RGS6: variants seen among roughly 807,000 people sequenced by gnomAD.
The protein encoded by RGS6 is regulator of G-protein signaling 6.
A neutral mutation model predicts 78.5 loss-of-function variants in RGS6; 30 were observed. That is an observed-to-expected ratio of 0.38 (90% CI 0.29 to 0.52). The LOEUF is 0.52. Ranked by LOEUF, RGS6 falls within the 20% of genes least tolerant of loss-of-function variation. The pLI is 0.85. For missense variants in RGS6, 495 were observed against 609.7 expected, an observed-to-expected ratio of 0.81 and a Z score of 1.98; for synonymous variants, 206 against 206.0, an observed-to-expected ratio of 1.00 and a Z score of 0.00.
At chr14:71,919,861 G>A in the RGS6 span, among the ~76,000 whole-genome samples, 1 of 152,130 alleles carries the variant, frequency 6.6e-6, no homozygotes, top group Non-Finnish European at 1.5e-5. Flanking sequence ...AGGAATGGTT[G>A]CATGTGCCTG....
intron 3 of RGS6, among the ~76,000 whole-genome samples, chr14:72,405,268 G>A (rs1050510874): frequency 6.6e-6 from 1 of 152,164 alleles, no homozygotes; most frequent in Non-Finnish European, 1.5e-5. Context: ...AGCCTGGAGG[G>A]TAGCATGGAA....
At chr14:71,946,426 A>C (rs1397993339) in intron 1 of RGS6, among the ~76,000 whole-genome samples, 1 of 151,778 alleles carries the variant, frequency 6.6e-6, no homozygotes, top group Non-Finnish European at 1.5e-5. Flanking sequence ...GCTCCTCCCC[A>C]CTCCTTGTCC....
At chr14:71,955,116 A>G (rs1466550311) in intron 1 of RGS6, among the ~76,000 whole-genome samples, 1 of 152,138 alleles carries the variant, frequency 6.6e-6, no homozygotes, top group Non-Finnish European at 1.5e-5. Context: ...AGAGGCTTCA[A>G]ATCCCCCCAA....
chr14:72,453,446 T>C (rs1283564764), intron 3 of RGS6, among the ~76,000 whole-genome samples: 1 of 148,822 alleles, frequency 6.7e-6, no homozygotes, highest in African/African-American at 2.5e-5. Context: ...AAACCCCGTC[T>C]CTACTAAAAA....
chr14:72,331,715 A>G (rs1489134305), intron 2 of RGS6, among the ~76,000 whole-genome samples: 1 of 151,198 alleles, frequency 6.6e-6, no homozygotes, highest in East Asian at 1.9e-4. Flanking sequence ...CTCTGGTGAT[A>G]CCTCCCACTG....
intron 2 of RGS6, among the ~76,000 whole-genome samples, chr14:72,314,291 C>G (rs933644844): frequency 1.1e-4 from 16 of 152,172 alleles, no homozygotes; most frequent in African/African-American, 3.9e-4. Flanking sequence ...CTGCTGCTCT[C>G]TTGGCTTTTC....
intron 4 of RGS6, among the ~76,000 whole-genome samples, chr14:72,457,084 T>TAA (rs747066432): frequency 0.01 from 831 of 82,110 alleles, 19 homozygotes; most frequent in African/African-American, 0.029. Flanking sequence ...GACCTGTCTC[T>TAA]AAAAAAAAAA....
chr14:72,177,238 G>A (rs974014029), intron 2 of RGS6, among the ~76,000 whole-genome samples: 16 of 152,060 alleles, frequency 1.1e-4, no homozygotes, highest in African/African-American at 3.9e-4. Flanking sequence ...TCTCTCAGAT[G>A]GATAAGATTC....
At chr14:72,360,387 T>A (rs2081215709) in intron 3 of RGS6, among the ~76,000 whole-genome samples, 1 of 151,858 alleles carries the variant, frequency 6.6e-6, no homozygotes, top group Admixed American at 6.6e-5. Context: ...CTGGGTGTGG[T>A]GGCGGGCACC....
the RGS6 span, among the ~76,000 whole-genome samples, chr14:72,599,564 A>G: frequency 7.2e-6 from 1 of 137,938 alleles, no homozygotes; most frequent in Admixed American, 7.3e-5. Flanking sequence ...GCCTGCCACC[A>G]CGCCTGGCTA....
chr14:72,537,629 C>G, intron 16 of RGS6: 2 of 680,114 alleles, frequency 2.9e-6, no homozygotes, highest in Non-Finnish European at 2.7e-6. Flanking sequence ...ATACATGGCT[C>G]TAATGCCCAT....
intron 2 of RGS6, among the ~76,000 whole-genome samples, chr14:72,194,498 C>A (rs552181392): frequency 6.6e-5 from 10 of 152,160 alleles, no homozygotes; most frequent in South Asian, 4.2e-4. Context: ...CAGCCTCCCA[C>A]GTAGCTGGAA....
At chr14:71,967,292 G>A (rs2093581733) in intron 2 of RGS6, among the ~76,000 whole-genome samples, 1 of 151,694 alleles carries the variant, frequency 6.6e-6, no homozygotes, top group Non-Finnish European at 1.5e-5. Flanking sequence ...CACACTTATT[G>A]CACAGTGTGA....
the RGS6 span, among the ~76,000 whole-genome samples, chr14:71,907,084 T>A: frequency 1.3e-5 from 2 of 152,196 alleles, no homozygotes; most frequent in Non-Finnish European, 1.5e-5. Context: ...ATATTGAACA[T>A]CCCATATGTG....
At chr14:72,116,653 C>T in intron 2 of RGS6, among the ~76,000 whole-genome samples, 1 of 151,990 alleles carries the variant, frequency 6.6e-6, no homozygotes, top group Non-Finnish European at 1.5e-5. Context: ...CTTTCAGATG[C>T]TAATAGGTGC....
chr14:72,470,910 G>T (rs1210464125), intron 8 of RGS6, among the ~76,000 whole-genome samples: 1 of 151,100 alleles, frequency 6.6e-6, no homozygotes, highest in Non-Finnish European at 1.5e-5. Context: ...AGATTATAGG[G>T]CGTGACACTG....
the RGS6 span, among the ~76,000 whole-genome samples, chr14:72,618,405 C>T: frequency 6.6e-6 from 1 of 152,216 alleles, no homozygotes; most frequent in Non-Finnish European, 1.5e-5. Flanking sequence ...TTCAGTCCCA[C>T]CAGGAGAAGC....
intron 17 of RGS6, among the ~76,000 whole-genome samples, chr14:72,541,918 A>G (rs2097332935): frequency 6.6e-6 from 1 of 152,188 alleles, no homozygotes; most frequent in East Asian, 1.9e-4. Flanking sequence ...CTTTCATCCC[A>G]GAAGTGGTGT....
At chr14:72,050,001 A>G (rs868717877) in intron 2 of RGS6, among the ~76,000 whole-genome samples, 16 of 152,216 alleles carry the variant, frequency 1.1e-4, no homozygotes, top group African/African-American at 3.6e-4. Flanking sequence ...TTGATGCAGT[A>G]AAGACAAGTT....
Sources: allele counts gnomAD v4.1 joint callset (sites outside exome capture counted in the v4.1 genomes callset), GRCh38; gene constraint gnomAD v4.1.1; transcripts MANE v1.5; gene names NCBI Gene and HGNC (gene_info 2026-07-23, HGNC 2026-07-21).